Variants in SLC7A6 observed in about 807,000 individuals in gnomAD.
SLC7A6 encodes Y+L amino acid transporter 2.
Under a neutral mutation model 46.6 loss-of-function variants are expected in SLC7A6, and 29 were observed. That is an observed-to-expected ratio of 0.62 (90% CI 0.46 to 0.85). The LOEUF is 0.85. Ranked by LOEUF, SLC7A6 falls within the 40% of genes least tolerant of loss-of-function variation. The pLI is 0.00. For missense variants in SLC7A6, 527 were observed against 647.6 expected, an observed-to-expected ratio of 0.81 and a Z score of 2.02; for synonymous variants, 276 against 257.3, an observed-to-expected ratio of 1.07 and a Z score of -0.70.
rs758757481 is a variant in SLC7A6, at chr16:68,291,250, C to T, written c.836C>T (p.Thr279Met). The change falls in exon 6 of 11, where the codon ACG becomes ATG. Residue 279 changes from threonine to methionine, a missense_variant. Thr to Met is a moderately conservative substitution (Grantham distance 81). Transcript: ENST00000219343. ...ATTGGGATTTCTATGCCAATTGTGA[C>T]GCTCATCTACATCCTGACCAATGTG... ...LAIGISMPIV[T>M]LIYILTNVAY... is the part of the protein sequence containing the mutation. 3.5e-5 allele frequency: 57 copies of T among 1,614,078 alleles called. No individual in the cohort carries two copies. The highest frequency in any genetic ancestry group is 4.3e-5 in the Non-Finnish European group (51 of 1,180,044).
chr16:68,275,596 CAAAA>C (rs10578259), intron 3 of SLC7A6, among the ~76,000 whole-genome samples: 13 of 100,556 alleles, frequency 1.3e-4, no homozygotes, highest in East Asian at 2.9e-4. Context: ...ACTCTGTCTC[CAAAA>C]AAAAAAAAAA....
intron 5 of SLC7A6, chr16:68,291,006 T>A: frequency 1.6e-6 from 1 of 607,612 alleles, no homozygotes; most frequent in South Asian, 1.9e-5. Flanking sequence ...AAAGATTAAA[T>A]ATTGATCATG....
chr16:68,298,596 G>C lies in SLC7A6; in HGVS notation c.*1268G>C, dbSNP rs2043215157. 6.6e-6 allele frequency: 1 copy of C among 152,332 alleles called. No homozygotes were observed. The highest frequency in any genetic ancestry group is 1.5e-5 in the Non-Finnish European group (1 of 68,130). The allele number at this position is 152,332 out of a possible 1,614,324, so 9.4% of individuals were successfully genotyped here. A position where few individuals can be genotyped will look rare whatever the true frequency, so the allele number is the denominator to read the frequency against. ...GGTGTGGTGGCTGCAGTCTCAGGAA[G>C]AGCTTGGTACTTGTGGGGACTTCTG... On this transcript the variant is annotated 3_prime_UTR_variant, in exon 11 of 11. Coordinates refer to ENST00000219343, the MANE Select transcript of SLC7A6 (RefSeq NM_003983.6).
intron 7 of SLC7A6, among the ~76,000 whole-genome samples, chr16:68,294,053 G>A (rs1226620542): frequency 6.6e-6 from 1 of 152,010 alleles, no homozygotes; most frequent in African/African-American, 2.4e-5. Flanking sequence ...ATGTGCTACC[G>A]CGCCCGGCTT....
chr16:68,270,059 C>T (rs1161587436), intron 2 of SLC7A6, among the ~76,000 whole-genome samples: 2 of 152,170 alleles, frequency 1.3e-5, no homozygotes, highest in South Asian at 4.1e-4. Context: ...TAAGCCACTG[C>T]GTCCAGCCAC....
rs767218774 is a variant in SLC7A6 at position 68,299,398 on chromosome 16, T to C, written c.*2070T>C. 1.3e-5 allele frequency: 2 copies of C among 152,602 alleles called. No individual in the cohort carries two copies. Among genetic ancestry groups the C allele is most frequent in the African/African-American group, 2.4e-5 (1 of 41,422 alleles). The allele number at this position is 152,602 out of a possible 1,614,324, so 9.5% of individuals were successfully genotyped here. The stretch of plus-strand genomic sequence containing the variant: ...AGTGAGCCATGTCATCCTCCTTTCA[T>C]TTTTGGATGGTGACAGCATTTTTCC... On this transcript the variant is annotated 3_prime_UTR_variant, in exon 11 of 11. Coordinates refer to ENST00000219343, the MANE Select transcript of SLC7A6 (RefSeq NM_003983.6).
At chr16:68,277,009 CAA>C in intron 3 of SLC7A6, among the ~76,000 whole-genome samples, 1 of 145,064 alleles carries the variant, frequency 6.9e-6, no homozygotes, top group East Asian at 2.0e-4. Context: ...CAAAACAAAA[CAA>C]AAAAAAAACC....
At position 68,284,859 on chromosome 16, in the gene SLC7A6, C is replaced by CTTTTTTTTTTTTTTT. The variant is rs71384525; in HGVS notation, c.524-2883_524-2869dup. On this transcript the variant is annotated intron_variant, in intron 3 of 10. Coordinates refer to ENST00000219343, the MANE Select transcript of SLC7A6 (RefSeq NM_003983.6). ...CTGTCTCTTCTGTGTATTTTCTCGTCTTTTTTTTTTTTTTTTTTAGAGACA... is the reference window on the plus strand; with the variant it reads ...CTGTCTCTTCTGTGTATTTTCTCGTCTTTTTTTTTTTTTTTTTTTTTTTTTTTTTTTTTAGAGACA... Among the ~76,000 whole-genome samples, 7 of 95,644 alleles carry CTTTTTTTTTTTTTTT rather than the reference C, an allele frequency of 7.3e-5. 1 individual carries two copies. The highest frequency in any genetic ancestry group is 7.4e-5 in the Non-Finnish European group (4 of 54,036). The allele number at this position is 95,644 out of a possible 152,430, so 62.7% of individuals were successfully genotyped here. A position where few individuals can be genotyped will look rare whatever the true frequency, so the allele number is the denominator to read the frequency against.
intron 2 of SLC7A6, among the ~76,000 whole-genome samples, chr16:68,267,963 T>G (rs1266149139): frequency 6.6e-6 from 1 of 152,210 alleles, no homozygotes; most frequent in Non-Finnish European, 1.5e-5. Flanking sequence ...GCTGGACATG[T>G]GGAGGTTCCT....
intron 4 of SLC7A6, among the ~76,000 whole-genome samples, chr16:68,288,981 A>G (rs2042993467): frequency 6.6e-6 from 1 of 150,832 alleles, no homozygotes; most frequent in Non-Finnish European, 1.5e-5. Flanking sequence ...AAAAAAAAAA[A>G]AAAAAGAATT....
intron 2 of SLC7A6, among the ~76,000 whole-genome samples, chr16:68,270,656 T>G (rs181559910): frequency 6.6e-6 from 1 of 152,202 alleles, no homozygotes; most frequent in Non-Finnish European, 1.5e-5. Context: ...CTCATCTTTC[T>G]CCCACTGCCA....
At chr16:68,277,568 C>T (rs1280120225) in intron 3 of SLC7A6, among the ~76,000 whole-genome samples, 1 of 151,986 alleles carries the variant, frequency 6.6e-6, no homozygotes, top group Non-Finnish European at 1.5e-5. Context: ...GCCTCGGCCT[C>T]CCAAAGTGCT....
intron 2 of SLC7A6, among the ~76,000 whole-genome samples, chr16:68,269,379 G>T (rs368025971): frequency 6.6e-6 from 1 of 152,108 alleles, no homozygotes; most frequent in Non-Finnish European, 1.5e-5. Flanking sequence ...GAGGTATATA[G>T]TATTTATTTT....
Position 68,301,166 on chromosome 16 carries a change from C to A in SLC7A6, c.*3838C>A. 6.7e-7 allele frequency: 1 copy of A among 1,486,976 alleles called. No individual in the cohort carries two copies. The highest frequency in any genetic ancestry group is 9.0e-7 in the Non-Finnish European group (1 of 1,113,542). The allele number at this position is 1,486,976 out of a possible 1,614,324, so 92.1% of individuals were successfully genotyped here. On this transcript the variant is annotated 3_prime_UTR_variant, in exon 11 of 11. Transcript: ENST00000219343. ...GCCCGATATGCTTGATATGCTTTTC[C>A]TTCCACATGTTAAGCTAGGAAACCT...
intron 3 of SLC7A6, among the ~76,000 whole-genome samples, chr16:68,283,446 G>A (rs547021089): frequency 6.6e-6 from 1 of 152,286 alleles, no homozygotes; most frequent in East Asian, 1.9e-4. Context: ...CACTTTCTGA[G>A]GTCTTATATG....
rs2043072830 is a variant in SLC7A6, at chr16:68,292,264, C to G, written c.1022+603C>G. 2.0e-5 allele frequency: 3 copies of G among 152,508 alleles called. No homozygotes were observed. In the South Asian group the frequency reaches 6.2e-4, roughly 32 times the overall value. The allele number at this position is 152,508 out of a possible 1,614,324, so 9.4% of individuals were successfully genotyped here. A position where few individuals can be genotyped will look rare whatever the true frequency, so the allele number is the denominator to read the frequency against. Reference sequence around the variant, plus strand: ...GGTCTCCTGATCTCCTCTGTGCAGACATCTATAAGCGTGCTGGTCCTTCCT... The same window carrying G: ...GGTCTCCTGATCTCCTCTGTGCAGAGATCTATAAGCGTGCTGGTCCTTCCT... On this transcript the variant is annotated intron_variant, in intron 7 of 10. Coordinates refer to ENST00000219343, the MANE Select transcript of SLC7A6 (RefSeq NM_003983.6).
chr16:68,287,998 G>C, intron 4 of SLC7A6, 127 bp downstream of exon 4: 3 of 1,359,296 alleles, frequency 2.2e-6, no homozygotes, highest in East Asian at 5.1e-5. Flanking sequence ...GTGAGTGCAA[G>C]AGATGGGAGT....
chr16:68,265,432 G>C (rs775951775), intron 1 of SLC7A6: 3 of 152,152 alleles, frequency 2.0e-5, no homozygotes, highest in Non-Finnish European at 4.4e-5. Flanking sequence ...TATGCCCTGG[G>C]CTTGGTGACA....
chr16:68,291,760 A>AGG (rs1555532328), intron 7 of SLC7A6, 99 bp downstream of exon 7: 270 of 521,596 alleles, frequency 5.2e-4, no homozygotes, highest in Non-Finnish European at 6.5e-4. Context: ...ATGGGCATAT[A>AGG]GGGTGTGTGT....
Sources: allele counts gnomAD v4.1 joint callset (sites outside exome capture counted in the v4.1 genomes callset), GRCh38; gene constraint gnomAD v4.1.1; transcripts MANE v1.5; gene names NCBI Gene and HGNC (gene_info 2026-07-23, HGNC 2026-07-21).